The following ADGRL2 variants were observed in gnomAD, a reference collection of about 807,000 sequenced individuals.
The protein encoded by ADGRL2 is adhesion G protein-coupled receptor L2.
A neutral mutation model predicts 157.4 loss-of-function variants in ADGRL2; 44 were observed. The observed-to-expected ratio is 0.28, with a 90% CI of 0.22 to 0.36. The LOEUF is 0.36. Ranked by LOEUF, ADGRL2 falls within the 10% of genes least tolerant of loss-of-function variation. The pLI is 1.00. For synonymous variants in ADGRL2, 585 were observed against 624.7 expected (o/e 0.94, Z 0.95); for missense variants, 1,510 against 1,768.9 (o/e 0.85, Z 2.63).
chr1:81,829,643 T>G (rs1293061164), intron 1 of ADGRL2, among the ~76,000 whole-genome samples: 2 of 152,308 alleles, frequency 1.3e-5, no homozygotes, highest in Middle Eastern at 3.4e-3. Flanking sequence ...CTGAAACAGT[T>G]GCTTCTTTTT....
intron 2 of ADGRL2, among the ~76,000 whole-genome samples, chr1:81,878,425 T>C (rs2093897365): frequency 6.6e-6 from 1 of 152,184 alleles, no homozygotes; most frequent in Admixed American, 6.6e-5. Flanking sequence ...TGTTTTAAAA[T>C]TATTCGTTTG....
chr1:81,556,939 C>G (rs1406282561), intron 2 of ADGRL2, among the ~76,000 whole-genome samples: 1 of 149,278 alleles, frequency 6.7e-6, no homozygotes, highest in Admixed American at 6.8e-5. Flanking sequence ...ATTAGCCAGG[C>G]GTGGTGTCGT....
intron 2 of ADGRL2, among the ~76,000 whole-genome samples, chr1:81,865,670 C>T (rs1314343356): frequency 6.6e-6 from 1 of 151,996 alleles, no homozygotes; most frequent in South Asian, 2.1e-4. Context: ...GCCCTGCAGA[C>T]AAGGAGAACT....
chr1:81,860,254 T>G (rs1427751672), intron 2 of ADGRL2, among the ~76,000 whole-genome samples: 2 of 152,172 alleles, frequency 1.3e-5, no homozygotes, highest in East Asian at 3.9e-4. Context: ...AAAAAACACT[T>G]GACTGGTATT....
At chr1:81,985,401 A>G (rs1477648362) in intron 21 of ADGRL2, 46 bp downstream of exon 21, 2 of 1,020,198 alleles carry the variant, frequency 2.0e-6, no homozygotes, top group Non-Finnish European at 3.0e-6. Context: ...ATTAAAGTAC[A>G]TATAAGTTCC....
At position 81,376,226 on chromosome 1, in the gene ADGRL2, C is replaced by G. The variant is rs572365187; in HGVS notation, c.-301-68810C>G. On this transcript the variant is annotated intron_variant, in intron 1 of 24. Transcript: ENST00000370721. ...GCTGGACATACTAGTTATTGCTAACCTGTTCCAGAGAACCATTAGGCATTT... is the reference window on the plus strand; with the variant it reads ...GCTGGACATACTAGTTATTGCTAACGTGTTCCAGAGAACCATTAGGCATTT... 3.3e-5 allele frequency among the ~76,000 whole-genome samples: 5 copies of G among 152,322 alleles called. No individual in the cohort carries two copies. In the South Asian group the frequency reaches 1.0e-3, roughly 32 times the overall value.
At position 81,951,947 on chromosome 1, in the gene ADGRL2, GT is replaced by G. The variant is rs777371390; in HGVS notation, c.1609-4del. 3 of 1,589,424 alleles carry G rather than the reference GT, an allele frequency of 1.9e-6. No individual in the cohort carries two copies. The highest frequency in any genetic ancestry group is 2.7e-5 in the African/African-American group (2 of 73,534). ...AAATTTAAATGAGATAATACAAATT[GT>G]TTTTTCAGATCAGAAGCGGAGAAAA... On this transcript the variant is annotated splice_polypyrimidine_tract_variant and intron_variant, in intron 8 of 23. Coordinates refer to ENST00000686636, the MANE Select transcript of ADGRL2 (RefSeq NM_001366006.2).
chr1:81,874,945 G>A (rs2093797791), intron 2 of ADGRL2, among the ~76,000 whole-genome samples: 1 of 152,036 alleles, frequency 6.6e-6, no homozygotes, highest in African/African-American at 2.4e-5. Context: ...GGTCTTAGGT[G>A]ATCCACCCAC....
chr1:81,926,017 G>A (rs561950631), intron 3 of ADGRL2, among the ~76,000 whole-genome samples: 1 of 152,076 alleles, frequency 6.6e-6, no homozygotes, highest in African/African-American at 2.4e-5. Flanking sequence ...ACTCCTTTTA[G>A]TTGCAGGTTC....
At chr1:81,737,239 A>G (rs2084931845) in intron 1 of ADGRL2, among the ~76,000 whole-genome samples, 1 of 152,186 alleles carries the variant, frequency 6.6e-6, no homozygotes, top group African/African-American at 2.4e-5. Context: ...TGGGTTATTT[A>G]TGAAGAAAAG....
At chr1:81,431,522 CAG>C (rs1385416577) in intron 1 of ADGRL2, among the ~76,000 whole-genome samples, 4 of 152,280 alleles carry the variant, frequency 2.6e-5, no homozygotes, top group East Asian at 3.9e-4. Context: ...AAACTGAAGA[CAG>C]AGAATTAGCA....
At chr1:81,806,863 G>T (rs2089230267) in intron 1 of ADGRL2, among the ~76,000 whole-genome samples, 1 of 152,064 alleles carries the variant, frequency 6.6e-6, no homozygotes, top group East Asian at 1.9e-4. Context: ...TTCACATAAG[G>T]TGCTATTTTT....
intron 1 of ADGRL2, among the ~76,000 whole-genome samples, chr1:81,386,009 A>T (rs2076428325): frequency 6.6e-6 from 1 of 152,094 alleles, no homozygotes; most frequent in African/African-American, 2.4e-5. Flanking sequence ...ACTTGTGGCT[A>T]ATTAAAAAAA....
At chr1:81,527,760 G>A (rs758970355) in intron 2 of ADGRL2, among the ~76,000 whole-genome samples, 5 of 151,582 alleles carry the variant, frequency 3.3e-5, no homozygotes, top group African/African-American at 4.9e-5. Context: ...TCCACCATTT[G>A]AGGACAAAGT....
chr1:81,794,446 T>C (rs1040291684), intron 2 of ADGRL2, among the ~76,000 whole-genome samples: 12 of 152,168 alleles, frequency 7.9e-5, no homozygotes, highest in African/African-American at 2.9e-4. Flanking sequence ...TCGAAGAATA[T>C]ATTATCCAGG....
At chr1:81,645,610 T>C (rs2082300447) in intron 3 of ADGRL2, among the ~76,000 whole-genome samples, 1 of 151,988 alleles carries the variant, frequency 6.6e-6, no homozygotes, top group South Asian at 2.1e-4. Context: ...ATCCTAGGGG[T>C]TAAAGGAGAG....
intron 1 of ADGRL2, among the ~76,000 whole-genome samples, chr1:81,415,054 A>G (rs1035602085): frequency 6.6e-6 from 1 of 152,210 alleles, no homozygotes; most frequent in Non-Finnish European, 1.5e-5. Context: ...CCTTTCAGAA[A>G]AGGAACCTGA....
At chr1:81,552,372 A>C (rs538537205) in intron 2 of ADGRL2, among the ~76,000 whole-genome samples, 1 of 152,258 alleles carries the variant, frequency 6.6e-6, no homozygotes, top group African/African-American at 2.4e-5. Flanking sequence ...GAGCACAGTT[A>C]GACCTGGATG....
At chr1:81,643,262 C>A (rs144959620) in intron 3 of ADGRL2, among the ~76,000 whole-genome samples, 1 of 152,132 alleles carries the variant, frequency 6.6e-6, no homozygotes, top group Non-Finnish European at 1.5e-5. Flanking sequence ...GGTTAACACA[C>A]AAAAGTCAAT....
Sources: gnomAD v4.1 joint callset for allele counts (sites outside exome capture counted in the v4.1 genomes callset) on GRCh38, gnomAD v4.1.1 for gene constraint, MANE v1.5 for transcripts, NCBI Gene and HGNC (gene_info 2026-07-23, HGNC 2026-07-21) for gene names.